The following C2CD2L variants were observed in gnomAD, a reference collection of about 807,000 sequenced individuals.
The protein encoded by C2CD2L is C2CD2 like.
Under a neutral mutation model 69.9 loss-of-function variants are expected in C2CD2L, and 24 were observed. The observed-to-expected ratio is 0.34, with a 90% CI of 0.25 to 0.48. The LOEUF is 0.48. Among genes scored for constraint, C2CD2L ranks in the 20% least tolerant of loss-of-function variants. C2CD2L has a pLI of 0.99. For missense variants in C2CD2L, 811 were observed against 941.5 expected (o/e 0.86, Z 1.81); for synonymous variants, 367 against 391.0 (o/e 0.94, Z 0.72).
At chr11:119,115,997 C>A in intron 13 of C2CD2L, 48 bp from the exon 14 acceptor site, 14 of 1,519,870 alleles carry the variant, frequency 9.2e-6, no homozygotes, top group Non-Finnish European at 1.2e-5. Context: ...CCCCGTCTCA[C>A]CCCACCCCGT....
chr11:119,114,656 T>C lies in C2CD2L; in HGVS notation c.1909+291T>C, dbSNP rs1946840267. 2.5e-6 allele frequency: 1 copy of C among 403,906 alleles called. No homozygotes were observed. The highest frequency in any genetic ancestry group is 5.4e-5 in the East Asian group (1 of 18,590). The allele number at this position is 403,906 out of a possible 1,614,324, so 25.0% of individuals were successfully genotyped here. On this transcript the variant is annotated intron_variant, in intron 13 of 13. Transcript: ENST00000648610. This position sits in a 1 kb window ranked among gnomAD's most constrained non-coding sequence, Gnocchi z 5.1. Reference sequence around the variant, plus strand: ...GCCCTTTAAAAAAAAATTATAAAAATTTATTCCTAGGCAGGGTGTGGTGGC... The same window carrying C: ...GCCCTTTAAAAAAAAATTATAAAAACTTATTCCTAGGCAGGGTGTGGTGGC...
At position 119,112,532 on chromosome 11, in the gene C2CD2L, C is replaced by T; in HGVS notation, c.1135C>T (p.Leu379=). 1.2e-6 allele frequency: 2 copies of T among 1,613,700 alleles called. No homozygotes were observed. The highest frequency in any genetic ancestry group is 1.7e-5 in the Admixed American group (1 of 59,984). Residue 379 remains leucine (L), a synonymous_variant, in exon 9 of 14, where the codon CTG becomes TTG. Coordinates refer to ENST00000648610, the MANE Select transcript of C2CD2L (RefSeq NM_001290474.2). ...GCCTGTGGGCTCCCCCTCCAGACCA[C>T]TGTCTCGAAGACAGTTGTGCCCACT... ...TLPVGSPSRP[L]SRRQLCPLTP... is the part of the protein sequence containing the mutation.
At position 119,107,819 on chromosome 11, in the gene C2CD2L, G is replaced by A; in HGVS notation, c.78G>A (p.Val26=). Residue 26 remains valine, a synonymous_variant, in exon 1 of 14, where the codon GTG becomes GTA. Coordinates refer to ENST00000648610, the MANE Select transcript of C2CD2L (RefSeq NM_001290474.2). This position sits in a 1 kb window ranked among gnomAD's most constrained non-coding sequence, Gnocchi z 5.4. The stretch of plus-strand genomic sequence containing the variant: ...TCTTCGCCGCCTCGCTGCTCACGGT[G>A]TTCGCCTGGCTGCTGCAATATGCCC... The part of the protein sequence containing the change: ...LILFAASLLT[V]FAWLLQYARG... 2.6e-6 allele frequency: 4 copies of A among 1,553,852 alleles called. No individual in the cohort carries two copies. Among genetic ancestry groups the A allele is most frequent in the Middle Eastern group, 2.1e-4 (1 of 4,796 alleles).
rs1054512515 is a variant in C2CD2L at position 119,116,727 on chromosome 11, G to T, written c.*471G>T. On this transcript the variant is annotated 3_prime_UTR_variant, in exon 14 of 14. Transcript: ENST00000648610. ...GGTGGGTAATTCCCTTTGGGATGGGGCTCCCACACCTCCCTCAGGTCCCCA... is the reference window on the plus strand; with the variant it reads ...GGTGGGTAATTCCCTTTGGGATGGGTCTCCCACACCTCCCTCAGGTCCCCA... 116 of 167,086 alleles carry T rather than the reference G, an allele frequency of 6.9e-4. No homozygotes were observed. Among genetic ancestry groups the T allele is most frequent in the Middle Eastern group, 3.2e-3 (1 of 312 alleles). The allele number at this position is 167,086 out of a possible 1,614,324, so 10.4% of individuals were successfully genotyped here.
In C2CD2L at chr11:119,109,395, T is replaced by C. The variant is rs1348193977; in HGVS notation, c.355-709T>C. 6.6e-6 allele frequency among the ~76,000 whole-genome samples: 1 copy of C among 152,214 alleles called. No homozygotes were observed. Among genetic ancestry groups the C allele is most frequent in the African/African-American group, 2.4e-5 (1 of 41,438 alleles). Reference sequence around the variant, plus strand: ...TACTGTGGACGAATTAGGGAGCAGCTCTTTTGAGATCTAAGCAGCTTTCTG... The same window carrying C: ...TACTGTGGACGAATTAGGGAGCAGCCCTTTTGAGATCTAAGCAGCTTTCTG... On this transcript the variant is annotated intron_variant, in intron 1 of 13. Coordinates refer to ENST00000648610, the MANE Select transcript of C2CD2L (RefSeq NM_001290474.2). The surrounding 1 kb of genome is among the most constrained non-coding windows in gnomAD (Gnocchi z 5.1).
intron 1 of C2CD2L, chr11:119,108,439 A>T (rs1398319982): frequency 1.6e-5 from 4 of 248,288 alleles, no homozygotes; most frequent in African/African-American, 4.5e-5. Flanking sequence ...CTGCAGAAGG[A>T]ATTTGCCTGC....
chr11:119,102,952 A>AACCTCC (rs1434552916), upstream of C2CD2L, among the ~76,000 whole-genome samples: 2 of 138,416 alleles, frequency 1.4e-5, no homozygotes, highest in African/African-American at 5.6e-5. Context: ...GGCTCACCGA[A>AACCTCC]ACCTCCACCT....
Position 119,113,711 on chromosome 11 carries a change from C to G in C2CD2L, c.1488C>G (p.Ser496Arg). The part of the protein sequence containing the change: ...SGPSNTSHSS[S>R]RDSHLSNGLD... Reference sequence around the variant, plus strand: ...CCAGCAATACCTCCCATAGCAGCAGCCGTGAGTGGGGAATGGGGTGCATGA... The same window carrying G: ...CCAGCAATACCTCCCATAGCAGCAGGCGTGAGTGGGGAATGGGGTGCATGA... The change falls in exon 11 of 14, where the codon AGC (serine) becomes AGG (arginine). Residue 496 changes from serine (S) to arginine (R), a missense_variant and splice_region_variant. By Grantham distance (110) the Ser-to-Arg change is moderately radical. Coordinates refer to ENST00000648610, the MANE Select transcript of C2CD2L (RefSeq NM_001290474.2). The G allele has an allele frequency of 6.2e-7, 1 of 1,613,982 alleles. No homozygotes were observed.
chr11:119,105,430 G>A (rs1205900894), upstream of C2CD2L, among the ~76,000 whole-genome samples: 3 of 152,204 alleles, frequency 2.0e-5, no homozygotes, highest in Non-Finnish European at 4.4e-5. Flanking sequence ...CCTGAGGTCA[G>A]GAGTTCGAGA....
chr11:119,115,713 A>T, intron 13 of C2CD2L: 1 of 434,846 alleles, frequency 2.3e-6, no homozygotes, highest in Non-Finnish European at 4.1e-6. Context: ...AAGAGGCCCA[A>T]TCCCAGTTTG....
chr11:119,111,044 C>T lies in C2CD2L; in HGVS notation c.682-8C>T, dbSNP rs1946725096. ...CACCTCCTTGTTGTTCCCTTCTTCT[C>T]TCTGCAGAGAGGTGAAGAACAAGTG... is the stretch of plus-strand genomic sequence containing the variant. On this transcript the variant is annotated splice_region_variant and splice_polypyrimidine_tract_variant and intron_variant, in intron 4 of 13. Transcript: ENST00000648610. 6.2e-7 allele frequency: 1 copy of T among 1,613,808 alleles called. No homozygotes were observed. Among genetic ancestry groups the T allele is most frequent in the South Asian group, 1.1e-5 (1 of 91,076 alleles).
chr11:119,113,733 A>C (rs1946811821), intron 11 of C2CD2L, 21 bp downstream of exon 11: 1 of 1,613,696 alleles, frequency 6.2e-7, no homozygotes, highest in South Asian at 1.1e-5. Flanking sequence ...AATGGGGTGC[A>C]TGAGTGTGGG....
Position 119,110,690 on chromosome 11 carries a change from GA to G in C2CD2L, c.570+11del, listed in dbSNP as rs1565773897. On this transcript the variant is annotated intron_variant, in intron 3 of 13. Transcript: ENST00000648610. The surrounding 1 kb of genome is among the most constrained non-coding windows in gnomAD (Gnocchi z 5.7). ...ACTGCCACCAACACAGGTAGAAGGG[GA>G]TGTGGGAAACTGAGTTGGGCAGGGG... The G allele has an allele frequency of 6.2e-7, 1 of 1,613,832 alleles. No homozygotes were observed. Among genetic ancestry groups the G allele is most frequent in the African/African-American group, 1.3e-5 (1 of 75,050 alleles).
upstream of C2CD2L, chr11:119,107,167 AC>A (rs950976060): frequency 1.2e-4 from 18 of 152,228 alleles, no homozygotes; most frequent in African/African-American, 4.3e-4. This position sits in a 1 kb window ranked among gnomAD's most constrained non-coding sequence, Gnocchi z 5.4. Flanking sequence ...GTGTGGGAGC[AC>A]CGCGATTGCA....
In C2CD2L at chr11:119,112,316, C is replaced by G. The variant is rs1565775271; in HGVS notation, c.1020-12C>G. ...TTTTCTCCTTCCTGCCCCATCTCCT[C>G]TTGTCCCACAGGGATCTGGGCCCCC... On this transcript the variant is annotated splice_polypyrimidine_tract_variant and intron_variant, in intron 7 of 13. Transcript: ENST00000648610. 4 of 1,610,786 alleles carry G rather than the reference C, an allele frequency of 2.5e-6. No homozygotes were observed. Among genetic ancestry groups the G allele is most frequent in the Non-Finnish European group, 3.4e-6 (4 of 1,179,118 alleles).
chr11:119,114,368 A>AG lies in C2CD2L; in HGVS notation c.1909+8dup. 1 of 1,613,772 alleles carries AG rather than the reference A, an allele frequency of 6.2e-7. No individual in the cohort carries two copies. The highest frequency in any genetic ancestry group is 8.5e-7 in the Non-Finnish European group (1 of 1,179,780). ...CCGCAGCCTCAAGGATCACAAAGGT[A>AG]GGGGGACGTTGGCAGGGTGCCCCTC... On this transcript the variant is annotated splice_donor_region_variant and intron_variant, in intron 13 of 13. Coordinates refer to ENST00000648610, the MANE Select transcript of C2CD2L (RefSeq NM_001290474.2). This position sits in a 1 kb window ranked among gnomAD's most constrained non-coding sequence, Gnocchi z 5.1.
rs1190102276 is a variant in C2CD2L at position 119,116,258 on chromosome 11, G to A, written c.*2G>A. 6.2e-7 allele frequency: 1 copy of A among 1,610,736 alleles called. No homozygotes were observed. Among genetic ancestry groups the A allele is most frequent in the Admixed American group, 1.7e-5 (1 of 60,018 alleles). On this transcript the variant is annotated 3_prime_UTR_variant, in exon 14 of 14. Coordinates refer to ENST00000648610, the MANE Select transcript of C2CD2L (RefSeq NM_001290474.2). ...GGTAACCCCAGCCCCCAGCTCTGAG[G>A]ACCCAGCTCTGAAAGGGCACGAGTT...
rs1946938384 is a variant in C2CD2L, at chr11:119,118,238, C to T, written c.*1982C>T. On this transcript the variant is annotated 3_prime_UTR_variant, in exon 14 of 14. Coordinates refer to ENST00000648610, the MANE Select transcript of C2CD2L (RefSeq NM_001290474.2). ...CCAATAGGTAGTTTTTCAACCCTCA[C>T]CCTCCTCCCACCTTCTCACCTTTCA... is the stretch of plus-strand genomic sequence containing the variant. The T allele has an allele frequency of 6.6e-6, 1 of 152,128 alleles. No homozygotes were observed. The highest frequency in any genetic ancestry group is 1.9e-4 in the East Asian group (1 of 5,198). 9.4% of individuals were successfully genotyped at this position (152,128 alleles called of 1,614,324 possible).
At chr11:119,102,914 C>T (rs527857450), upstream of C2CD2L, among the ~76,000 whole-genome samples, 258 of 132,720 alleles carry the variant, frequency 1.9e-3, 1 homozygote, top group Admixed American at 3.2e-3. Context: ...CTCTTGTTGC[C>T]CAGGCTGGAG....
Sources: allele counts gnomAD v4.1 joint callset (sites outside exome capture counted in the v4.1 genomes callset), GRCh38; gene constraint gnomAD v4.1.1; non-coding constraint Gnocchi (gnomAD v3.1); transcripts MANE v1.5; gene names NCBI Gene and HGNC (gene_info 2026-07-23, HGNC 2026-07-21).